HDAC8: variants seen among roughly 807,000 people sequenced by gnomAD.
HDAC8 encodes the protein histone deacetylase-like 1.
In HDAC8, 1 loss-of-function variant was observed where a neutral mutation model predicts 32.2. The ratio of observed to expected loss-of-function variants is 0.03; its 90% CI spans 0.01 to 0.15. The LOEUF (loss-of-function observed/expected upper bound fraction) is 0.15, where lower values mean the gene tolerates loss of function less well. HDAC8 is among the 10% of genes least tolerant of loss of function. The pLI is 1.00. For synonymous variants in HDAC8, 108 were observed against 113.9 expected, an observed-to-expected ratio of 0.95 and a Z score of 0.33; for missense variants, 117 against 300.0, an observed-to-expected ratio of 0.39 and a Z score of 4.51.
At chrX:72,493,267 T>C (rs975972045) in intron 5 of HDAC8, among the ~76,000 whole-genome samples, 8 of 111,338 alleles carry the variant, frequency 7.2e-5, no homozygotes, top group Admixed American at 4.8e-4. Flanking sequence ...CAGCAAGTAA[T>C]GAGAGATAAG....
intron 4 of HDAC8, among the ~76,000 whole-genome samples, chrX:72,559,304 G>A (rs1235268760): frequency 2.8e-5 from 3 of 108,917 alleles, no homozygotes; most frequent in African/African-American, 1.0e-4. Context: ...GCTCCTAACC[G>A]CGAGTGATCT....
chrX:72,510,634 C>T (rs1230301642), intron 4 of HDAC8, among the ~76,000 whole-genome samples: 1 of 111,002 alleles, frequency 9.0e-6, no homozygotes, highest in Non-Finnish European at 1.9e-5. Context: ...AACATTTGCA[C>T]TACAGAAAAA....
intron 9 of HDAC8, among the ~76,000 whole-genome samples, chrX:72,433,360 C>T (rs2046869471): frequency 8.9e-6 from 1 of 111,958 alleles, no homozygotes; most frequent in Non-Finnish European, 1.9e-5. Context: ...GCCAATAGTG[C>T]TTGTGCTGAA....
At chrX:72,493,493 T>A (rs1045975787) in intron 5 of HDAC8, among the ~76,000 whole-genome samples, 1 of 111,350 alleles carries the variant, frequency 9.0e-6, no homozygotes, top group Non-Finnish European at 1.9e-5. Context: ...CTTCTCCAGG[T>A]CATCCTGATG....
intron 9 of HDAC8, among the ~76,000 whole-genome samples, chrX:72,436,042 G>T (rs1555979093): frequency 9.2e-6 from 1 of 108,533 alleles, no homozygotes; most frequent in Non-Finnish European, 1.9e-5. Flanking sequence ...GGAGAGAAAA[G>T]AAACTGAAAA....
At chrX:72,462,725 C>T (rs887801444) in intron 8 of HDAC8, among the ~76,000 whole-genome samples, 9 of 111,286 alleles carry the variant, frequency 8.1e-5, no homozygotes, top group African/African-American at 2.6e-4. Flanking sequence ...AGTCACCCAA[C>T]GGCCATATTA....
chrX:72,461,698 G>C (rs2047871570), intron 9 of HDAC8, among the ~76,000 whole-genome samples: 1 of 111,319 alleles, frequency 9.0e-6, no homozygotes, highest in Non-Finnish European at 1.9e-5. Context: ...TGAGGCTAGG[G>C]GATAAAAATA....
intron 4 of HDAC8, among the ~76,000 whole-genome samples, chrX:72,531,689 T>G (rs2050344874): frequency 8.9e-6 from 1 of 112,251 alleles, no homozygotes; most frequent in Non-Finnish European, 1.9e-5. Context: ...ATGTACCTAT[T>G]CTGGATATTT....
chrX:72,515,919 G>A (rs1175257098), intron 4 of HDAC8, among the ~76,000 whole-genome samples: 2 of 112,184 alleles, frequency 1.8e-5, no homozygotes, highest in Admixed American at 1.9e-4. Context: ...AAAGGTCTGA[G>A]GCAGGAAAAA....
intron 4 of HDAC8, among the ~76,000 whole-genome samples, chrX:72,518,448 G>A (rs1177408321): frequency 1.8e-5 from 2 of 111,673 alleles, no homozygotes; most frequent in Non-Finnish European, 3.8e-5. Context: ...CTGGGGAACA[G>A]TTTCAGATTT....
chrX:72,464,513 T>C, intron 8 of HDAC8, 46 bp downstream of exon 8: 1 of 1,088,170 alleles, frequency 9.2e-7, no homozygotes, highest in Non-Finnish European at 1.3e-6. Flanking sequence ...ATGGACAAAA[T>C]GTGGAGGAAG....
At chrX:72,381,152 C>T (rs1253231573) in intron 9 of HDAC8, among the ~76,000 whole-genome samples, 1 of 112,009 alleles carries the variant, frequency 8.9e-6, no homozygotes, top group South Asian at 3.7e-4. Flanking sequence ...ATTTAACAAG[C>T]CCTAGGTAAT....
chrX:72,340,998 C>T (rs1243640070), intron 10 of HDAC8, among the ~76,000 whole-genome samples: 1 of 111,439 alleles, frequency 9.0e-6, no homozygotes, highest in Non-Finnish European at 1.9e-5. Context: ...TGAGCCCAGC[C>T]GTGAACAGCT....
intron 7 of HDAC8, among the ~76,000 whole-genome samples, chrX:72,482,227 T>TA (rs782037775): frequency 9.0e-6 from 1 of 111,235 alleles, no homozygotes; most frequent in Non-Finnish European, 1.9e-5. Context: ...TGCATGATGT[T>TA]AAAAATTTTT....
intron 9 of HDAC8, among the ~76,000 whole-genome samples, chrX:72,397,694 C>T (rs1186252293): frequency 8.9e-6 from 1 of 111,815 alleles, no homozygotes; most frequent in African/African-American, 3.3e-5. Flanking sequence ...TACAAGTATC[C>T]TTAACAAGAT....
At chrX:72,474,309 C>T in intron 7 of HDAC8, 1 of 744,812 alleles carries the variant, frequency 1.3e-6, no homozygotes, top group Non-Finnish European at 1.6e-6. Context: ...ATTTATCTAA[C>T]ATTTAAAAAT....
chrX:72,438,191 C>T (rs1228753286), intron 9 of HDAC8, among the ~76,000 whole-genome samples: 2 of 111,943 alleles, frequency 1.8e-5, no homozygotes, highest in African/African-American at 3.3e-5. Context: ...CTGGTGATAC[C>T]CAGGCAAACA....
intron 9 of HDAC8, among the ~76,000 whole-genome samples, chrX:72,412,553 G>A (rs1309400315): frequency 9.0e-6 from 1 of 111,532 alleles, no homozygotes; most frequent in African/African-American, 3.3e-5. Flanking sequence ...TATCCTACAG[G>A]CACTTTGGGT....
At chrX:72,348,443 G>C (rs1420758813) in intron 10 of HDAC8, among the ~76,000 whole-genome samples, 1 of 112,293 alleles carries the variant, frequency 8.9e-6, no homozygotes, top group East Asian at 2.8e-4. Context: ...TCATGGCAAC[G>C]CACTATCTGA....
Sources: gnomAD v4.1 joint callset for allele counts (sites outside exome capture counted in the v4.1 genomes callset) on GRCh38, gnomAD v4.1.1 for gene constraint, MANE v1.5 for transcripts, NCBI Gene and HGNC (gene_info 2026-07-23, HGNC 2026-07-21) for gene names.